NEDD9: variants seen among roughly 807,000 people sequenced by gnomAD.
NEDD9 encodes the protein enhancer of filamentation 1.
NEDD9 carries 26 observed loss-of-function variants against 76.6 expected under a neutral mutation model. That is an observed-to-expected ratio of 0.34 (90% CI 0.25 to 0.47). The LOEUF (loss-of-function observed/expected upper bound fraction) is 0.47, where lower values mean the gene tolerates loss of function less well. NEDD9 is among the 20% of genes least tolerant of loss of function. The pLI is 1.00. For synonymous variants in NEDD9, 392 were observed against 414.2 expected, an observed-to-expected ratio of 0.95 and a Z score of 0.65; for missense variants, 937 against 1,058.5, an observed-to-expected ratio of 0.89 and a Z score of 1.59.
intron 2 of NEDD9, among the ~76,000 whole-genome samples, chr6:11,194,812 A>T (rs1431802216): frequency 5.9e-5 from 9 of 152,248 alleles, no homozygotes; most frequent in Non-Finnish European, 1.0e-4. Flanking sequence ...TCATATCTAC[A>T]TACTTCATTG....
chr6:11,355,866 A>G (rs375968723), intron 1 of NEDD9, among the ~76,000 whole-genome samples: 2,043 of 151,270 alleles, frequency 0.014, 21 homozygotes, highest in South Asian at 0.036. Context: ...GACTACAGGC[A>G]CCCGCCACCA....
chr6:11,360,893 A>G (rs886935725), intron 1 of NEDD9, among the ~76,000 whole-genome samples: 12 of 152,200 alleles, frequency 7.9e-5, no homozygotes, highest in Non-Finnish European at 1.2e-4. Context: ...TCTGCGGACA[A>G]TGGAAGAGAA....
chr6:11,201,059 C>G, intron 2 of NEDD9: 3 of 1,614,206 alleles, frequency 1.9e-6, no homozygotes, highest in African/African-American at 2.7e-5. Context: ...AGAGACAAAG[C>G]ATTTTCTGTC....
At chr6:11,271,614 T>C (rs1760309498) in intron 3 of NEDD9, 1 of 152,302 alleles carries the variant, frequency 6.6e-6, no homozygotes, top group East Asian at 1.9e-4. Context: ...CAAGATAAAG[T>C]CTTGGGCCTC....
chr6:11,347,229 C>A (rs186119193), intron 1 of NEDD9, among the ~76,000 whole-genome samples: 227 of 152,256 alleles, frequency 1.5e-3, no homozygotes, highest in Admixed American at 5.2e-3. Flanking sequence ...CAACTTTGGG[C>A]AAGTCACTTC....
intron 1 of NEDD9, among the ~76,000 whole-genome samples, chr6:11,356,888 C>T (rs73366833): frequency 0.015 from 2,221 of 152,236 alleles, 51 homozygotes; most frequent in African/African-American, 0.051. Flanking sequence ...AAAGTTTCTG[C>T]TGGTATCTAA....
intron 5 of NEDD9, among the ~76,000 whole-genome samples, chr6:11,189,453 A>G (rs1381854538): frequency 6.6e-6 from 1 of 152,224 alleles, no homozygotes; most frequent in African/African-American, 2.4e-5. Context: ...AATTATACAC[A>G]CACATACACA....
intron 1 of NEDD9, among the ~76,000 whole-genome samples, chr6:11,219,059 G>C (rs973153197): frequency 1.1e-4 from 17 of 152,138 alleles, no homozygotes; most frequent in Admixed American, 4.6e-4. Context: ...CAGACCACTT[G>C]GGTTCTGCTG....
intron 3 of NEDD9, among the ~76,000 whole-genome samples, chr6:11,244,177 C>T (rs939466503): frequency 6.6e-6 from 1 of 152,124 alleles, no homozygotes; most frequent in African/African-American, 2.4e-5. Context: ...TCCCAGGGTC[C>T]ACATGCTGTG....
At chr6:11,311,722 A>T (rs1761373906) in intron 2 of NEDD9, among the ~76,000 whole-genome samples, 1 of 152,172 alleles carries the variant, frequency 6.6e-6, no homozygotes, top group Non-Finnish European at 1.5e-5. Context: ...AATATTACAG[A>T]CTGGGTCGGG....
chr6:11,247,219 GCT>G (rs1436860153), intron 3 of NEDD9, among the ~76,000 whole-genome samples: 1 of 152,074 alleles, frequency 6.6e-6, no homozygotes, highest in Non-Finnish European at 1.5e-5. Flanking sequence ...TGCATACTCA[GCT>G]CAAGTCTGTC....
At chr6:11,249,470 AAAG>A (rs969031373) in intron 3 of NEDD9, among the ~76,000 whole-genome samples, 4 of 152,202 alleles carry the variant, frequency 2.6e-5, no homozygotes, top group African/African-American at 9.6e-5. Flanking sequence ...AGCCAGCAGG[AAAG>A]AAGAATTAGG....
chr6:11,203,142 G>A (rs1049211453), intron 2 of NEDD9, among the ~76,000 whole-genome samples: 12 of 152,188 alleles, frequency 7.9e-5, no homozygotes, highest in Admixed American at 4.6e-4. Flanking sequence ...GAAAGAACAC[G>A]ACGGGAAATG....
At chr6:11,202,922 C>T (rs570599298) in intron 2 of NEDD9, among the ~76,000 whole-genome samples, 1 of 152,200 alleles carries the variant, frequency 6.6e-6, no homozygotes, top group Non-Finnish European at 1.5e-5. Flanking sequence ...CAAGTGGAAG[C>T]TCAGAAGTGG....
chr6:11,253,304 G>A (rs918552460), intron 3 of NEDD9, among the ~76,000 whole-genome samples: 4 of 152,180 alleles, frequency 2.6e-5, no homozygotes, highest in Admixed American at 1.3e-4. Flanking sequence ...AGGCCTCCCC[G>A]CTTGTAGGAA....
intron 3 of NEDD9, among the ~76,000 whole-genome samples, chr6:11,295,114 T>C (rs1760861053): frequency 6.6e-6 from 1 of 152,206 alleles, no homozygotes; most frequent in African/African-American, 2.4e-5. Flanking sequence ...TTTTTCTATA[T>C]AAATTACCCA....
At chr6:11,193,456 T>A (rs1440592495) in intron 3 of NEDD9, 135 bp downstream of exon 3, 1 of 525,818 alleles carries the variant, frequency 1.9e-6, no homozygotes, top group Non-Finnish European at 3.3e-6. Context: ...AAGTGGCTAC[T>A]GGGTAGACAA....
rs1760812889 is a variant in NEDD9 at position 11,293,098 on chromosome 6, CTGCCAATGAACTATT to C, written c.12+12879_12+12893del. Among the ~76,000 whole-genome samples the C allele has an allele frequency of 3.3e-5, 5 of 152,270 alleles. No homozygotes were observed. The South Asian group carries it at 1.0e-3, about 32-fold the overall frequency. ...AACACTTGTAGTTTGTAATCATTCA[CTGCCAATGAACTATT>C]TGCTGTAAAAAGGGGAAGGGAACAA... On this transcript the variant is annotated intron_variant, in intron 3 of 3. Transcript: ENST00000397378.
chr6:11,347,444 C>A (rs1264713822), intron 1 of NEDD9, among the ~76,000 whole-genome samples: 1 of 152,156 alleles, frequency 6.6e-6, no homozygotes, highest in African/African-American at 2.4e-5. Flanking sequence ...CATCCTGATA[C>A]CAAAACCTGG....
Sources: gnomAD v4.1 joint callset for allele counts (sites outside exome capture counted in the v4.1 genomes callset) on GRCh38, gnomAD v4.1.1 for gene constraint, MANE v1.5 for transcripts, NCBI Gene and HGNC (gene_info 2026-07-23, HGNC 2026-07-21) for gene names.